The following FRMD4A variants were observed in gnomAD, a reference collection of about 807,000 sequenced individuals.
FRMD4A encodes the protein FERM domain containing 4A.
In FRMD4A, 29 loss-of-function variants were observed where a neutral mutation model predicts 129.1. That is an observed-to-expected ratio of 0.22 (90% confidence interval 0.17 to 0.31). The LOEUF is 0.31. Ranked by LOEUF, FRMD4A falls within the 10% of genes least tolerant of loss-of-function variation. The pLI is 1.00. For missense variants in FRMD4A, 1,272 were observed against 1,375.8 expected, an observed-to-expected ratio of 0.92 and a Z score of 1.19; for synonymous variants, 634 against 571.6, an observed-to-expected ratio of 1.11 and a Z score of -1.56.
intron 2 of FRMD4A, among the ~76,000 whole-genome samples, chr10:13,918,328 A>G (rs940138846): frequency 6.6e-6 from 1 of 152,128 alleles, no homozygotes; most frequent in East Asian, 1.9e-4. Context: ...AATGACCCCC[A>G]TCTTAGCCCC....
At chr10:13,703,642 T>C (rs1396510076) in intron 13 of FRMD4A, among the ~76,000 whole-genome samples, 2 of 152,356 alleles carry the variant, frequency 1.3e-5, no homozygotes, top group Non-Finnish European at 2.9e-5. Flanking sequence ...ACATTCCTCT[T>C]CCCTACCTCA....
chr10:13,945,096 T>C (rs1231039513), intron 2 of FRMD4A, among the ~76,000 whole-genome samples: 1 of 151,832 alleles, frequency 6.6e-6, no homozygotes, highest in African/African-American at 2.4e-5. Context: ...CCAGGCCTGG[T>C]GGGAGGTTGG....
intron 2 of FRMD4A, among the ~76,000 whole-genome samples, chr10:14,062,703 C>T (rs1834870691): frequency 6.6e-6 from 1 of 152,196 alleles, no homozygotes; most frequent in Admixed American, 6.5e-5. Context: ...AATTATCTCA[C>T]ATAACTGAAG....
At chr10:13,669,057 GTTTTT>G (rs56706198) in intron 17 of FRMD4A, among the ~76,000 whole-genome samples, 14 of 97,460 alleles carry the variant, frequency 1.4e-4, no homozygotes, top group Non-Finnish European at 2.0e-4. Flanking sequence ...CTGAGCTTTA[GTTTTT>G]TTTTTTTTTT....
intron 2 of FRMD4A, among the ~76,000 whole-genome samples, chr10:14,194,814 TATC>T (rs1254079880): frequency 5.3e-5 from 8 of 151,856 alleles, no homozygotes; most frequent in East Asian, 1.9e-4. Context: ...TCTATATTAT[TATC>T]ATATTATATC....
chr10:14,195,880 C>T (rs1272429063), intron 2 of FRMD4A, among the ~76,000 whole-genome samples: 2 of 152,206 alleles, frequency 1.3e-5, no homozygotes, highest in East Asian at 1.9e-4. Flanking sequence ...TTACATTGAA[C>T]ACATACAAAC....
chr10:13,740,704 T>C lies in FRMD4A; in HGVS notation c.549-127A>G, dbSNP rs996989565. 4.8e-6 allele frequency: 3 copies of C among 623,068 alleles called. No individual in the cohort carries two copies. The African/African-American group carries it at 5.6e-5, about 12-fold the overall frequency. The allele number at this position is 623,068 out of a possible 1,614,324, so 38.6% of individuals were successfully genotyped here. On this transcript the variant is annotated intron_variant, in intron 9 of 24. Coordinates refer to ENST00000357447, the MANE Select transcript of FRMD4A (RefSeq NM_018027.5). ...AAGGCACCAACAGCTCCTGGAAAAATGATTTGTCCTGGAGTGGTATTTCCA... is the reference window on the plus strand; with the variant it reads ...AAGGCACCAACAGCTCCTGGAAAAACGATTTGTCCTGGAGTGGTATTTCCA...
chr10:13,899,199 C>T (rs984916987), intron 2 of FRMD4A, among the ~76,000 whole-genome samples: 1 of 151,944 alleles, frequency 6.6e-6, no homozygotes, highest in Non-Finnish European at 1.5e-5. Flanking sequence ...TATCTATTGC[C>T]AGCCTTATGA....
At chr10:13,779,059 C>T (rs1400889994) in intron 6 of FRMD4A, among the ~76,000 whole-genome samples, 1 of 152,130 alleles carries the variant, frequency 6.6e-6, no homozygotes, top group Non-Finnish European at 1.5e-5. Context: ...TGGCTCATGC[C>T]TGTAATCTCA....
At chr10:14,048,852 GAATA>G (rs1299103238) in intron 2 of FRMD4A, among the ~76,000 whole-genome samples, 8 of 113,590 alleles carry the variant, frequency 7.0e-5, no homozygotes, top group Non-Finnish European at 1.1e-4. Flanking sequence ...GAATAGAATA[GAATA>G]GAATAGAATA....
chr10:14,072,894 A>G (rs1032933037), intron 2 of FRMD4A, among the ~76,000 whole-genome samples: 10 of 152,242 alleles, frequency 6.6e-5, no homozygotes, highest in African/African-American at 2.4e-4. Flanking sequence ...TGCACTTCCC[A>G]GATATAAAGT....
At chr10:14,237,236 G>C (rs898367600) in intron 2 of FRMD4A, among the ~76,000 whole-genome samples, 1 of 152,070 alleles carries the variant, frequency 6.6e-6, no homozygotes, top group South Asian at 2.1e-4. Flanking sequence ...ATGGGATATG[G>C]GGTTAGGAGA....
chr10:13,922,740 C>T (rs1241993064), intron 2 of FRMD4A, among the ~76,000 whole-genome samples: 6 of 152,286 alleles, frequency 3.9e-5, no homozygotes, highest in African/African-American at 7.2e-5. Context: ...TATTTAGAAA[C>T]CCACAAGTTC....
intron 2 of FRMD4A, among the ~76,000 whole-genome samples, chr10:13,910,476 A>G (rs554610266): frequency 2.4e-4 from 36 of 152,210 alleles, no homozygotes; most frequent in Non-Finnish European, 2.5e-4. Flanking sequence ...AACATATGCA[A>G]TCATGAGCTA....
At chr10:13,746,843 G>A (rs1404292541) in intron 9 of FRMD4A, among the ~76,000 whole-genome samples, 1 of 152,182 alleles carries the variant, frequency 6.6e-6, no homozygotes, top group Non-Finnish European at 1.5e-5. Context: ...AGGAATGCAA[G>A]CCCTGCCCAA....
At chr10:14,003,861 C>T (rs2095651884) in intron 2 of FRMD4A, among the ~76,000 whole-genome samples, 3 of 152,250 alleles carry the variant, frequency 2.0e-5, no homozygotes, top group African/African-American at 4.8e-5. Context: ...ATAAAAACTT[C>T]CTCCCTGCCC....
chr10:13,935,517 A>C (rs977378865), intron 2 of FRMD4A, among the ~76,000 whole-genome samples: 6 of 151,160 alleles, frequency 4.0e-5, no homozygotes, highest in African/African-American at 1.5e-4. Context: ...AAATCCCAGG[A>C]CAATCTGCCA....
intron 6 of FRMD4A, among the ~76,000 whole-genome samples, chr10:13,769,015 G>T (rs972090146): frequency 4.9e-5 from 7 of 141,568 alleles, no homozygotes; most frequent in Admixed American, 7.3e-5. Flanking sequence ...TTTGAGACGG[G>T]AGTCTTGCCT....
intron 2 of FRMD4A, among the ~76,000 whole-genome samples, chr10:14,168,900 T>C (rs371894065): frequency 1.3e-5 from 2 of 152,208 alleles, no homozygotes; most frequent in African/African-American, 4.8e-5. Context: ...TTCCTTTTCA[T>C]TAACTAAATA....
Sources: allele counts gnomAD v4.1 joint callset (sites outside exome capture counted in the v4.1 genomes callset), GRCh38; gene constraint gnomAD v4.1.1; transcripts MANE v1.5; gene names NCBI Gene and HGNC (gene_info 2026-07-23, HGNC 2026-07-21).